The following SNX29 variants were observed in gnomAD, a reference collection of about 807,000 sequenced individuals.
SNX29 encodes the protein sorting nexin 29.
SNX29 carries 78 observed loss-of-function variants against 102.1 expected under a neutral mutation model. The observed-to-expected ratio is 0.76, with a 90% confidence interval of 0.64 to 0.92. The LOEUF is 0.92. SNX29 is among the 40% of genes least tolerant of loss of function. SNX29 has a pLI of 0.00. For synonymous variants in SNX29, 580 were observed against 414.5 expected (o/e 1.40, Z -4.85); for missense variants, 1,280 against 1,061.7 (o/e 1.21, Z -2.86).
At chr16:12,418,006 C>T (rs1352376302) in intron 18 of SNX29, among the ~76,000 whole-genome samples, 3 of 152,110 alleles carry the variant, frequency 2.0e-5, no homozygotes, top group Admixed American at 2.0e-4. Context: ...ATAGATAAAG[C>T]CGCAGGGCAC....
intron 13 of SNX29, among the ~76,000 whole-genome samples, chr16:12,171,786 G>A (rs1051286961): frequency 2.6e-5 from 4 of 152,244 alleles, no homozygotes; most frequent in African/African-American, 9.6e-5. Context: ...ATTGTTATAT[G>A]TACTCAGCCT....
In SNX29 at chr16:12,568,588, C is replaced by CA; in HGVS notation, c.2401_2402insA (p.Arg801GlnfsTer12). 3.1e-6 allele frequency: 5 copies of CA among 1,606,578 alleles called. No homozygotes were observed. The highest frequency in any genetic ancestry group is 3.4e-6 in the Non-Finnish European group (4 of 1,179,812). ...CCCCAAACTGTCCCGGGGTCAGCCC[C>CA]GGGAGACCCGCAACGTGGAGCCCCA... On this transcript the variant is annotated frameshift_variant, in exon 21 of 21. Coordinates refer to ENST00000566228, the MANE Select transcript of SNX29 (RefSeq NM_032167.5). LOFTEE classifies it high-confidence loss of function.
intron 20 of SNX29, among the ~76,000 whole-genome samples, chr16:12,549,754 C>G (rs931859056): frequency 6.6e-6 from 1 of 152,212 alleles, no homozygotes; most frequent in African/African-American, 2.4e-5. Context: ...TACTTTGAGA[C>G]CTGTTGGTGA....
At chr16:12,550,240 G>C (rs1361839670) in intron 20 of SNX29, among the ~76,000 whole-genome samples, 1 of 152,118 alleles carries the variant, frequency 6.6e-6, no homozygotes, top group Admixed American at 6.5e-5. Flanking sequence ...TCTAATTTTA[G>C]AAATAGCAAA....
intron 3 of SNX29, among the ~76,000 whole-genome samples, chr16:12,014,789 A>G (rs146860519): frequency 1.3e-5 from 2 of 151,858 alleles, no homozygotes; most frequent in Admixed American, 6.6e-5. Context: ...ATGATTTACC[A>G]TTTAAAGATA....
chr16:12,281,585 C>A (rs2079431040), intron 15 of SNX29, among the ~76,000 whole-genome samples: 1 of 152,246 alleles, frequency 6.6e-6, no homozygotes, highest in African/African-American at 2.4e-5. Context: ...AGTAGTATCA[C>A]AGCCCCTGTA....
rs1402465144 is a variant in SNX29 at position 12,203,763 on chromosome 16, G to A, written c.1678+4080G>A. Among the ~76,000 whole-genome samples, 5 of 152,324 alleles carry A rather than the reference G, an allele frequency of 3.3e-5. No individual in the cohort carries two copies. The East Asian group carries it at 9.6e-4, about 29-fold the overall frequency. On this transcript the variant is annotated intron_variant, in intron 14 of 20. Coordinates refer to ENST00000566228, the MANE Select transcript of SNX29 (RefSeq NM_032167.5). ...CTCTTCCCAGGAGCATTTGCCTGAC[G>A]TGAGAGCTTGCTCTGTGTACTGAAG...
At chr16:12,433,908 A>G (rs1249925535) in intron 18 of SNX29, among the ~76,000 whole-genome samples, 3 of 152,202 alleles carry the variant, frequency 2.0e-5, no homozygotes, top group Admixed American at 1.3e-4. Context: ...AGCTGTTTTC[A>G]TTCCTGATGC....
intron 20 of SNX29, among the ~76,000 whole-genome samples, chr16:12,541,039 A>C (rs943987512): frequency 1.3e-5 from 2 of 152,204 alleles, no homozygotes; most frequent in Non-Finnish European, 2.9e-5. Context: ...TCATCTCTGT[A>C]GTCTGGCTGC....
chr16:12,480,807 C>T (rs12597948), intron 19 of SNX29, among the ~76,000 whole-genome samples: 4,779 of 152,250 alleles, frequency 0.031, 228 homozygotes, highest in East Asian at 0.23. Flanking sequence ...GTGTTGCATC[C>T]TGTAGAAAGA....
At chr16:12,181,103 G>A (rs2076374551) in intron 13 of SNX29, among the ~76,000 whole-genome samples, 1 of 152,180 alleles carries the variant, frequency 6.6e-6, no homozygotes, top group Non-Finnish European at 1.5e-5. Context: ...ATCTCCTTGC[G>A]CTCACCTGCT....
At chr16:12,295,059 AT>A (rs1567408024) in intron 15 of SNX29, among the ~76,000 whole-genome samples, 2 of 152,192 alleles carry the variant, frequency 1.3e-5, no homozygotes, top group Non-Finnish European at 2.9e-5. Context: ...CGTGAGACTT[AT>A]TCTCTACCAC....
chr16:12,013,500 A>AAAATATATATATATATATATAT, intron 3 of SNX29, among the ~76,000 whole-genome samples: 1 of 31,628 alleles, frequency 3.2e-5, no homozygotes, highest in South Asian at 1.4e-3. Context: ...AAAAAAAAAA[A>AAAATATATATATATATATATAT]ATATATATAT....
At chr16:12,083,883 C>G (rs571823034) in intron 11 of SNX29, among the ~76,000 whole-genome samples, 2 of 152,342 alleles carry the variant, frequency 1.3e-5, no homozygotes, top group East Asian at 3.9e-4. Context: ...GTGGCTGCCT[C>G]TGTACTGTAA....
At chr16:12,542,687 G>A (rs1417349475) in intron 20 of SNX29, among the ~76,000 whole-genome samples, 2 of 152,066 alleles carry the variant, frequency 1.3e-5, no homozygotes, top group Non-Finnish European at 1.5e-5. Context: ...CATGGACTTT[G>A]GGGCCAGGCT....
At chr16:11,986,159 G>T (rs2055615647) in intron 1 of SNX29, among the ~76,000 whole-genome samples, 1 of 151,906 alleles carries the variant, frequency 6.6e-6, no homozygotes, top group Admixed American at 6.6e-5. Flanking sequence ...TTAGGTGGGG[G>T]CTGAGCAGTT....
intron 19 of SNX29, among the ~76,000 whole-genome samples, chr16:12,480,849 C>G (rs2087872575): frequency 6.6e-6 from 1 of 152,140 alleles, no homozygotes. Context: ...CTCTGCTGTG[C>G]AGGAGCTGGG....
intron 18 of SNX29, among the ~76,000 whole-genome samples, chr16:12,476,394 A>ATATATATACATG (rs2087621816): frequency 5.4e-5 from 1 of 18,424 alleles, no homozygotes; most frequent in Non-Finnish European, 8.0e-5. Flanking sequence ...ATATATATAT[A>ATATATATACATG]TATATATATA....
chr16:12,090,497 C>A (rs1567197957), intron 11 of SNX29, among the ~76,000 whole-genome samples: 1 of 152,084 alleles, frequency 6.6e-6, no homozygotes, highest in Admixed American at 6.6e-5. Flanking sequence ...TCTGGAGACC[C>A]CCTTGGGACC....
Sources: gnomAD v4.1 joint callset for allele counts (sites outside exome capture counted in the v4.1 genomes callset) on GRCh38, gnomAD v4.1.1 for gene constraint, MANE v1.5 for transcripts, NCBI Gene and HGNC (gene_info 2026-07-23, HGNC 2026-07-21) for gene names.